TNFRSF13B: variants seen among roughly 807,000 people sequenced by gnomAD.
TNFRSF13B encodes the protein tumor necrosis factor receptor superfamily member 13B.
A neutral mutation model predicts 24.0 loss-of-function variants in TNFRSF13B; 34 were observed. The observed-to-expected ratio is 1.41, with a 90% CI of 1.08 to 1.88. The LOEUF is 1.88. Among genes scored for constraint, TNFRSF13B ranks in the 40% most tolerant of loss-of-function variants. TNFRSF13B has a pLI of 0.00. For synonymous variants in TNFRSF13B, 173 were observed against 150.3 expected (o/e 1.15, Z -1.10); for missense variants, 415 against 380.8 (o/e 1.09, Z -0.75).
At chr17:16,941,051 C>A (rs907321676) in intron 3 of TNFRSF13B, 4 of 620,914 alleles carry the variant, frequency 6.4e-6, no homozygotes, top group African/African-American at 5.9e-5. Flanking sequence ...CAATTAGAGT[C>A]ATCTCTAGAT....
Position 16,940,361 on chromosome 17 carries a change from G to A in TNFRSF13B, c.596C>T (p.Ser199Leu). ...CTTGGCCGGACTTTGACGGGGCCTTGAGCGGGGCTGGCAGGAGCAGGGATC... is the reference window on the plus strand; with the variant it reads ...CTTGGCCGGACTTTGACGGGGCCTTAAGCGGGGCTGGCAGGAGCAGGGATC... ...RGDPCSCQPR[S>L]RPRQSPAKSS... Residue 199 changes from serine (S) to leucine (L), a missense_variant, in exon 4 of 5, where the codon TCA becomes TTA. Ser to Leu is a moderately radical substitution (Grantham distance 145). Coordinates refer to ENST00000261652, the MANE Select transcript of TNFRSF13B (RefSeq NM_012452.3). The A allele has an allele frequency of 6.2e-7, 1 of 1,613,884 alleles. No individual in the cohort carries two copies.
chr17:16,963,760 C>T (rs2087679862), intron 1 of TNFRSF13B, among the ~76,000 whole-genome samples: 1 of 152,118 alleles, frequency 6.6e-6, no homozygotes, highest in Non-Finnish European at 1.5e-5. Flanking sequence ...CCGTGTTAGC[C>T]AGGATGGTCT....
intron 1 of TNFRSF13B, among the ~76,000 whole-genome samples, chr17:16,955,962 T>C (rs1410802721): frequency 1.3e-5 from 2 of 152,236 alleles, no homozygotes; most frequent in Non-Finnish European, 2.9e-5. Flanking sequence ...TGGGTTCTGA[T>C]TGCTGATGGC....
intron 1 of TNFRSF13B, among the ~76,000 whole-genome samples, chr17:16,971,090 G>A (rs905855470): frequency 4.6e-5 from 7 of 152,218 alleles, no homozygotes; most frequent in African/African-American, 1.4e-4. Flanking sequence ...GCTCATGCCT[G>A]TAATCCCAAT....
intron 3 of TNFRSF13B, chr17:16,940,739 G>A (rs1042519155): frequency 1.4e-6 from 2 of 1,435,298 alleles, no homozygotes; most frequent in Non-Finnish European, 1.8e-6. Flanking sequence ...AGCTGGAAAC[G>A]TGAGCTAGGC....
At chr17:16,964,625 G>T (rs2087687001) in intron 1 of TNFRSF13B, among the ~76,000 whole-genome samples, 1 of 152,202 alleles carries the variant, frequency 6.6e-6, no homozygotes, top group African/African-American at 2.4e-5. Context: ...ACAGGCGTGA[G>T]CCACCACGCC....
chr17:16,952,007 A>T (rs77910543), intron 2 of TNFRSF13B, among the ~76,000 whole-genome samples: 1,912 of 152,370 alleles, frequency 0.013, 75 homozygotes, highest in East Asian at 0.11. Flanking sequence ...TGATGGGTGC[A>T]GAGGGCGTCA....
At chr17:16,962,826 A>G (rs2087672253) in intron 1 of TNFRSF13B, among the ~76,000 whole-genome samples, 1 of 152,112 alleles carries the variant, frequency 6.6e-6, no homozygotes, top group East Asian at 1.9e-4. Flanking sequence ...CTTGACTCCA[A>G]CTGAAAACGC....
chr17:16,968,774 T>C (rs1332702516), intron 1 of TNFRSF13B, among the ~76,000 whole-genome samples: 1 of 152,216 alleles, frequency 6.6e-6, no homozygotes, highest in Non-Finnish European at 1.5e-5. Flanking sequence ...TTCACTAACT[T>C]GGAGAAAATA....
rs747078163 is a variant in TNFRSF13B at position 16,972,059 on chromosome 17, C to T, written c.17G>A (p.Arg6Gln). 5.2e-5 allele frequency: 84 copies of T among 1,613,944 alleles called. No individual in the cohort carries two copies. The East Asian group carries it at 1.1e-3, about 21-fold the overall frequency. The change falls in exon 1 of 5, where the codon CGG becomes CAG. Residue 6 changes from arginine to glutamine, a missense_variant. By Grantham distance (43) the Arg-to-Gln change is conservative. Transcript: ENST00000261652. ...ACGGCTCCGGCCACCTCGCCTGCTCCGGCCCAGGCCACTCATTACTCAGGA... is the reference window on the plus strand; with the variant it reads ...ACGGCTCCGGCCACCTCGCCTGCTCTGGCCCAGGCCACTCATTACTCAGGA... MSGLG[R>Q]SRRGGRSRVD...
At chr17:16,949,429 A>C (rs2087573140) in intron 2 of TNFRSF13B, among the ~76,000 whole-genome samples, 3 of 152,226 alleles carry the variant, frequency 2.0e-5, no homozygotes, top group Admixed American at 2.0e-4. Flanking sequence ...GGGAAAAGCC[A>C]GAATCCTCTT....
In TNFRSF13B at chr17:16,946,589, T is replaced by TTA. The variant is rs1443712135; in HGVS notation, c.445+2148_445+2149insTA. On this transcript the variant is annotated intron_variant, in intron 3 of 4. Coordinates refer to ENST00000261652, the MANE Select transcript of TNFRSF13B (RefSeq NM_012452.3). ...TTTTATTTTTATTTTTATTTATTTA[T>TTA]TTATTTATTTTTTTTTGAGACACAG... Among the ~76,000 whole-genome samples, 349 of 130,656 alleles carry TTA rather than the reference T, an allele frequency of 2.7e-3. 2 individuals are homozygous for TTA. Among genetic ancestry groups the TTA allele is most frequent in the East Asian group, 0.017 (62 of 3,572 alleles). The allele number at this position is 130,656 out of a possible 152,430, so 85.7% of individuals were successfully genotyped here.
chr17:16,949,648 C>T (rs990937319), intron 2 of TNFRSF13B, among the ~76,000 whole-genome samples: 13 of 151,654 alleles, frequency 8.6e-5, no homozygotes, highest in African/African-American at 3.2e-4. Flanking sequence ...CTATTTGGAA[C>T]AATCAATTAT....
chr17:16,940,585 C>A (rs950574230), intron 3 of TNFRSF13B, 74 bp from the exon 4 acceptor site: 3 of 1,553,176 alleles, frequency 1.9e-6, no homozygotes, highest in Admixed American at 1.9e-5. Context: ...CAATCCACAT[C>A]CCCCCATCCC....
At chr17:16,953,489 C>T (rs2143664112) in intron 1 of TNFRSF13B, among the ~76,000 whole-genome samples, 1 of 152,292 alleles carries the variant, frequency 6.6e-6, no homozygotes, top group Middle Eastern at 3.4e-3. Context: ...CTGGGGTCCC[C>T]CGACACCCAA....
At position 16,939,272 on chromosome 17, in the gene TNFRSF13B, T is replaced by C. The variant is rs564544575; in HGVS notation, c.*275A>G. 12 of 430,280 alleles carry C rather than the reference T, an allele frequency of 2.8e-5. No homozygotes were observed. The South Asian group carries it at 3.8e-4, about 14-fold the overall frequency. The allele number at this position is 430,280 out of a possible 1,614,324, so 26.7% of individuals were successfully genotyped here. On this transcript the variant is annotated 3_prime_UTR_variant, in exon 5 of 5. Coordinates refer to ENST00000261652, the MANE Select transcript of TNFRSF13B (RefSeq NM_012452.3). ...CTCTCTGTCCCTCTCTCCCTCTCTG[T>C]CTCTCTGCCTCTCTCCCTCTCTGCC...
At chr17:16,965,723 T>C (rs2087694279) in intron 1 of TNFRSF13B, among the ~76,000 whole-genome samples, 1 of 152,162 alleles carries the variant, frequency 6.6e-6, no homozygotes, top group Admixed American at 6.5e-5. Context: ...AGAGGATTCT[T>C]GGCACAAAGT....
rs757236823 is a variant in TNFRSF13B at position 16,940,556 on chromosome 17, TC to T, written c.446-46del. On this transcript the variant is annotated intron_variant, in intron 3 of 4. Coordinates refer to ENST00000261652, the MANE Select transcript of TNFRSF13B (RefSeq NM_012452.3). ...CCCTCTCTGCAGTGCCTTCTTCTCTTCCCGTCATTAGGCTCAAGCAATCCAC... is the reference window on the plus strand; with the variant it reads ...CCCTCTCTGCAGTGCCTTCTTCTCTTCCGTCATTAGGCTCAAGCAATCCAC... The T allele has an allele frequency of 3.1e-6, 5 of 1,595,622 alleles. No homozygotes were observed. In the Admixed American group the frequency reaches 5.2e-5, roughly 17 times the overall value.
chr17:16,946,398 G>A (rs1022390672), intron 3 of TNFRSF13B, among the ~76,000 whole-genome samples: 1 of 152,154 alleles, frequency 6.6e-6, no homozygotes, highest in Non-Finnish European at 1.5e-5. Context: ...ATGCCACAGA[G>A]CAGGGCAGGT....
Sources: allele counts gnomAD v4.1 joint callset (sites outside exome capture counted in the v4.1 genomes callset), GRCh38; gene constraint gnomAD v4.1.1; transcripts MANE v1.5; gene names NCBI Gene and HGNC (gene_info 2026-07-23, HGNC 2026-07-21).